PAPPA2: variants seen among roughly 807,000 people sequenced by gnomAD.
The protein encoded by PAPPA2 is pappalysin 2, also known as pappalysin-2.
In PAPPA2, 86 loss-of-function variants were observed where a neutral mutation model predicts 176.4. The ratio of observed to expected loss-of-function variants is 0.49; its 90% CI spans 0.41 to 0.58. PAPPA2 has a LOEUF of 0.58. PAPPA2 is among the 20% of genes least tolerant of loss of function. PAPPA2 has a pLI of 0.00. For synonymous variants in PAPPA2, 809 were observed against 852.2 expected (o/e 0.95, Z 0.88); for missense variants, 2,073 against 2,256.9 (o/e 0.92, Z 1.65).
chr1:176,827,312 G>A (rs1333476020), intron 21 of PAPPA2, among the ~76,000 whole-genome samples: 1 of 152,114 alleles, frequency 6.6e-6, no homozygotes, highest in Non-Finnish European at 1.5e-5. Flanking sequence ...ATTGTCTTCA[G>A]AATACAGATT....
chr1:176,634,975 ATAG>A (rs1656607163), intron 3 of PAPPA2, among the ~76,000 whole-genome samples: 2 of 131,944 alleles, frequency 1.5e-5, no homozygotes, highest in African/African-American at 3.5e-5. Flanking sequence ...AAATAGATAG[ATAG>A]ATAGATAGAT....
intron 14 of PAPPA2, among the ~76,000 whole-genome samples, chr1:176,748,637 T>G (rs534273880): frequency 6.6e-6 from 1 of 152,328 alleles, no homozygotes; most frequent in East Asian, 1.9e-4. Flanking sequence ...CCACATTACA[T>G]TTGTCTCAAT....
At chr1:176,510,256 T>C (rs1238505674) in intron 1 of PAPPA2, among the ~76,000 whole-genome samples, 7 of 152,168 alleles carry the variant, frequency 4.6e-5, no homozygotes, top group African/African-American at 1.4e-4. Flanking sequence ...GTGGGGAACA[T>C]GTTATGAACA....
intron 21 of PAPPA2, among the ~76,000 whole-genome samples, chr1:176,834,737 A>AG (rs766930616): frequency 5.3e-5 from 8 of 152,196 alleles, no homozygotes; most frequent in Non-Finnish European, 1.0e-4. Context: ...TGGGAGGCTG[A>AG]GACGGGTGGA....
chr1:176,661,840 G>A (rs1658376844), intron 3 of PAPPA2, among the ~76,000 whole-genome samples: 1 of 152,078 alleles, frequency 6.6e-6, no homozygotes, highest in Admixed American at 6.6e-5. Context: ...ATAATTATGT[G>A]CAGACTAATG....
chr1:176,727,169 A>G (rs1355942239), intron 12 of PAPPA2, among the ~76,000 whole-genome samples: 1 of 152,226 alleles, frequency 6.6e-6, no homozygotes, highest in African/African-American at 2.4e-5. Context: ...AGAAATGAAT[A>G]ATTGTTGGAA....
At chr1:176,583,701 A>G (rs1558452622) in intron 2 of PAPPA2, among the ~76,000 whole-genome samples, 5 of 152,110 alleles carry the variant, frequency 3.3e-5, no homozygotes, top group Non-Finnish European at 5.9e-5. Context: ...GTCCTACCAA[A>G]ATGTTGGGAT....
intron 21 of PAPPA2, among the ~76,000 whole-genome samples, chr1:176,804,822 G>T (rs964259659): frequency 6.6e-6 from 1 of 152,140 alleles, no homozygotes; most frequent in African/African-American, 2.4e-5. Flanking sequence ...AATTTAATTT[G>T]CACATGGATT....
intron 3 of PAPPA2, among the ~76,000 whole-genome samples, chr1:176,650,897 G>A (rs1222602771): frequency 6.6e-6 from 1 of 151,486 alleles, no homozygotes; most frequent in African/African-American, 2.4e-5. Context: ...GGCCACATGA[G>A]GCTTCAAGAA....
intron 18 of PAPPA2, among the ~76,000 whole-genome samples, chr1:176,790,770 G>A (rs945422589): frequency 6.6e-6 from 1 of 152,156 alleles, no homozygotes; most frequent in African/African-American, 2.4e-5. Flanking sequence ...TACTCTCTAT[G>A]TTCTAGATAG....
intron 8 of PAPPA2, among the ~76,000 whole-genome samples, chr1:176,700,483 T>G (rs1660602105): frequency 6.6e-6 from 1 of 152,240 alleles, no homozygotes; most frequent in Non-Finnish European, 1.5e-5. Context: ...TCATCTAGAC[T>G]TACTTGGCTA....
At chr1:176,505,444 T>C (rs1648203236) in intron 1 of PAPPA2, among the ~76,000 whole-genome samples, 1 of 152,098 alleles carries the variant, frequency 6.6e-6, no homozygotes, top group Non-Finnish European at 1.5e-5. Context: ...AGCACAGGAC[T>C]GTGATTCTTG....
intron 1 of PAPPA2, among the ~76,000 whole-genome samples, chr1:176,486,894 G>A (rs71645288): frequency 0.097 from 14,710 of 151,940 alleles, 977 homozygotes; most frequent in African/African-American, 0.2. Context: ...AGTGTTTACA[G>A]GTGTAGGGAA....
chr1:176,685,844 A>G (rs1322904735), intron 4 of PAPPA2, among the ~76,000 whole-genome samples: 1 of 152,206 alleles, frequency 6.6e-6, no homozygotes, highest in Admixed American at 6.5e-5. Context: ...TTTATGCCTC[A>G]CTCCAGCTTT....
intron 2 of PAPPA2, among the ~76,000 whole-genome samples, chr1:176,566,508 G>A (rs1393842331): frequency 6.6e-6 from 1 of 152,276 alleles, no homozygotes; most frequent in Non-Finnish European, 1.5e-5. Context: ...ACCATTAGCT[G>A]CTCACCTCCC....
chr1:176,496,732 A>G (rs1381091073), intron 1 of PAPPA2, among the ~76,000 whole-genome samples: 1 of 152,220 alleles, frequency 6.6e-6, no homozygotes, highest in African/African-American at 2.4e-5. Context: ...ACTGCTTCAC[A>G]TGAAATGGGG....
intron 14 of PAPPA2, among the ~76,000 whole-genome samples, chr1:176,763,174 C>G (rs1401704690): frequency 1.3e-5 from 2 of 151,948 alleles, no homozygotes; most frequent in African/African-American, 4.8e-5. Flanking sequence ...AGTAGTTGAC[C>G]ACTAACACAA....
chr1:176,538,466 A>G (rs1462869634), intron 1 of PAPPA2, among the ~76,000 whole-genome samples: 2 of 152,200 alleles, frequency 1.3e-5, no homozygotes, highest in Non-Finnish European at 2.9e-5. Context: ...CCACATCAGA[A>G]TCATGCCAAG....
chr1:176,492,045 T>G (rs1647319004), intron 1 of PAPPA2, among the ~76,000 whole-genome samples: 1 of 152,204 alleles, frequency 6.6e-6, no homozygotes, highest in Non-Finnish European at 1.5e-5. Context: ...CATGGAATCC[T>G]GTGTCAAAAT....
Sources: allele counts gnomAD v4.1 joint callset (sites outside exome capture counted in the v4.1 genomes callset), GRCh38; gene constraint gnomAD v4.1.1; transcripts MANE v1.5; gene names NCBI Gene and HGNC (gene_info 2026-07-23, HGNC 2026-07-21).